Variants in RNF24 observed in about 807,000 individuals in gnomAD.
RNF24 encodes the protein ring finger protein 24.
RNF24 carries 14 observed loss-of-function variants against 20.0 expected under a neutral mutation model. The ratio of observed to expected loss-of-function variants is 0.70; its 90% CI spans 0.46 to 1.10. RNF24 has a LOEUF of 1.10. RNF24 is among the 50% of genes least tolerant of loss of function. RNF24 has a pLI of 0.00. For synonymous variants in RNF24, 45 were observed against 61.1 expected (o/e 0.74, Z 1.23); for missense variants, 124 against 177.6 (o/e 0.70, Z 1.71).
intron 1 of RNF24, among the ~76,000 whole-genome samples, chr20:3,988,323 C>CA: frequency 6.7e-6 from 1 of 149,258 alleles, no homozygotes; most frequent in Non-Finnish European, 1.5e-5. Flanking sequence ...GATCTTGTCT[C>CA]AAAAAAATAA....
intron 2 of RNF24, among the ~76,000 whole-genome samples, chr20:3,949,257 G>A (rs147294569): frequency 6.6e-6 from 1 of 152,332 alleles, no homozygotes; most frequent in South Asian, 2.1e-4. Context: ...GCACATGCCT[G>A]TAATCCCAGC....
chr20:3,990,157 A>G (rs1277877518), intron 1 of RNF24, among the ~76,000 whole-genome samples: 2 of 152,182 alleles, frequency 1.3e-5, no homozygotes, highest in Non-Finnish European at 2.9e-5. Context: ...AATATAAAAA[A>G]TGAAATTATG....
chr20:3,948,312 G>C, intron 2 of RNF24, 33 bp from the exon 3 acceptor site: 1 of 1,446,472 alleles, frequency 6.9e-7, no homozygotes, highest in Non-Finnish European at 9.5e-7. Context: ...GCAATATTGA[G>C]ATTTCCAACA....
In RNF24 at chr20:4,014,739, G is replaced by GCGCACACACACACACA. The variant is rs1555804206; in HGVS notation, c.-8+697_-8+698insTGTGTGTGTGTGTGCG. ...ATAGATGTCCCTTTCACTTGAATGC[G>GCGCACACACACACACA]CACACACACACACACACACACACAC... On this transcript the variant is annotated intron_variant, in intron 1 of 5. Transcript: ENST00000358395. 3.1e-4 allele frequency among the ~76,000 whole-genome samples: 45 copies of GCGCACACACACACACA among 143,778 alleles called. 1 individual carries two copies. The highest frequency in any genetic ancestry group is 3.5e-3 in the Middle Eastern group (1 of 286). The allele number at this position is 143,778 out of a possible 152,430, so 94.3% of individuals were successfully genotyped here.
chr20:3,987,528 T>G (rs1221849822), intron 1 of RNF24, among the ~76,000 whole-genome samples: 1 of 152,232 alleles, frequency 6.6e-6, no homozygotes, highest in Admixed American at 6.5e-5. Context: ...TCAAGTTTGA[T>G]GAATGGGCCT....
chr20:3,945,358 G>A (rs924898712), intron 3 of RNF24, 140 bp from the exon 4 acceptor site: 62 of 870,194 alleles, frequency 7.1e-5, no homozygotes, highest in Non-Finnish European at 9.1e-5. Context: ...TTCTTTTACA[G>A]TTTGAGACAG....
intron 4 of RNF24, among the ~76,000 whole-genome samples, chr20:3,943,367 C>A (rs1317497413): frequency 6.7e-6 from 1 of 148,474 alleles, no homozygotes; most frequent in Non-Finnish European, 1.5e-5. Flanking sequence ...GGTCAAGGAA[C>A]CAGACTAGCT....
intron 4 of RNF24, among the ~76,000 whole-genome samples, chr20:3,940,716 A>C (rs2090944976): frequency 6.6e-6 from 1 of 152,200 alleles, no homozygotes; most frequent in South Asian, 2.1e-4. Context: ...TAAGGGATGA[A>C]TGATTCAAGT....
chr20:3,959,060 C>A (rs1352719147), intron 2 of RNF24, among the ~76,000 whole-genome samples: 2 of 152,182 alleles, frequency 1.3e-5, no homozygotes, highest in South Asian at 4.1e-4. Context: ...TACACATTCT[C>A]TCTAGGCAAC....
At chr20:4,008,800 C>T (rs1476307802) in intron 1 of RNF24, among the ~76,000 whole-genome samples, 1 of 151,636 alleles carries the variant, frequency 6.6e-6, no homozygotes, top group Non-Finnish European at 1.5e-5. Flanking sequence ...CCGCCTTGAC[C>T]TCCCAAAGTG....
At chr20:4,011,763 A>G (rs1001426363) in intron 1 of RNF24, among the ~76,000 whole-genome samples, 6 of 152,254 alleles carry the variant, frequency 3.9e-5, no homozygotes, top group Admixed American at 1.3e-4. Context: ...TGTGAATAAC[A>G]GGTACACTGT....
intron 4 of RNF24, among the ~76,000 whole-genome samples, chr20:3,942,038 C>A (rs1452535089): frequency 1.3e-5 from 2 of 148,846 alleles, no homozygotes; most frequent in African/African-American, 2.5e-5. Flanking sequence ...TGTACCACTG[C>A]ACTCCAGCCT....
At chr20:4,008,174 A>C in intron 1 of RNF24, among the ~76,000 whole-genome samples, 1 of 148,254 alleles carries the variant, frequency 6.7e-6, no homozygotes, top group East Asian at 2.0e-4. Flanking sequence ...TGAGGTAGGA[A>C]CTATTATTAA....
rs1012583935 is a variant in RNF24 at position 3,975,234 on chromosome 20, C to T, written c.-7-11210G>A. ...CAAAAAAATTGAATCTTGATCTTAA[C>T]CTCACACACAAAAAAACAACTCAAA... On this transcript the variant is annotated intron_variant, in intron 1 of 5. Coordinates refer to ENST00000358395, the MANE Select transcript of RNF24 (RefSeq NM_001134337.3). 4.6e-5 allele frequency among the ~76,000 whole-genome samples: 7 copies of T among 152,068 alleles called. 1 individual carries two copies. Among genetic ancestry groups the T allele is most frequent in the Admixed American group, 3.9e-4 (6 of 15,248 alleles).
rs921521837 is a variant in RNF24, at chr20:3,933,245, C to T, written c.*818G>A. The T allele has an allele frequency of 4.0e-5, 16 of 398,150 alleles. No homozygotes were observed. The highest frequency in any genetic ancestry group is 3.3e-4 in the African/African-American group (16 of 48,592). The allele number at this position is 398,150 out of a possible 1,614,324, so 24.7% of individuals were successfully genotyped here. On this transcript the variant is annotated 3_prime_UTR_variant, in exon 6 of 6. Coordinates refer to ENST00000358395, the MANE Select transcript of RNF24 (RefSeq NM_001134337.3). Reference sequence around the variant, plus strand: ...GCCACTCGAGAGGTTCACAGTGGCTCCCTTCTGAGGCAGTGGCAGTGGGCT... The same window carrying T: ...GCCACTCGAGAGGTTCACAGTGGCTTCCTTCTGAGGCAGTGGCAGTGGGCT...
At chr20:3,943,707 G>A (rs2090983730) in intron 4 of RNF24, among the ~76,000 whole-genome samples, 1 of 152,124 alleles carries the variant, frequency 6.6e-6, no homozygotes, top group African/African-American at 2.4e-5. Flanking sequence ...GATACATACT[G>A]ATGCAACACA....
intron 1 of RNF24, among the ~76,000 whole-genome samples, chr20:3,973,958 T>C (rs1314041414): frequency 1.3e-5 from 2 of 151,660 alleles, no homozygotes; most frequent in Middle Eastern, 3.2e-3. Context: ...ACAGAAAAAT[T>C]CTTAACAAAA....
chr20:3,966,564 A>C (rs928265072), intron 1 of RNF24, among the ~76,000 whole-genome samples: 17 of 151,338 alleles, frequency 1.1e-4, no homozygotes, highest in Non-Finnish European at 2.1e-4. Context: ...GGAAGCCTTG[A>C]CAAAAATCAT....
intron 1 of RNF24, among the ~76,000 whole-genome samples, chr20:4,005,234 AT>A (rs1264910184): frequency 6.6e-5 from 10 of 152,208 alleles, no homozygotes; most frequent in African/African-American, 2.4e-4. Context: ...TAAATAGGCA[AT>A]ATATTTAAAG....
Sources: gnomAD v4.1 joint callset for allele counts (sites outside exome capture counted in the v4.1 genomes callset) on GRCh38, gnomAD v4.1.1 for gene constraint, MANE v1.5 for transcripts, NCBI Gene and HGNC (gene_info 2026-07-23, HGNC 2026-07-21) for gene names.